The following ANGPTL2 variants were observed in gnomAD, a reference collection of about 807,000 sequenced individuals.
ANGPTL2 encodes angiopoietin like 2.
ANGPTL2 carries 25 observed loss-of-function variants against 52.8 expected under a neutral mutation model. The ratio of observed to expected loss-of-function variants is 0.47; its 90% confidence interval spans 0.35 to 0.66. The LOEUF (loss-of-function observed/expected upper bound fraction) is 0.66. Among genes scored for constraint, ANGPTL2 ranks in the 30% least tolerant of loss-of-function variants. The probability of loss-of-function intolerance (pLI) is 0.01; values close to 1 mark genes in which losing one functional copy is unlikely to be tolerated. For missense variants in ANGPTL2, 546 were observed against 656.9 expected (o/e 0.83, Z 1.84); for synonymous variants, 276 against 277.4 (o/e 1.00, Z 0.05).
intron 1 of ANGPTL2, among the ~76,000 whole-genome samples, chr9:127,113,270 A>C (rs886263343): frequency 1.3e-5 from 2 of 152,162 alleles, no homozygotes; most frequent in Non-Finnish European, 2.9e-5. Context: ...GCCAAAGGTG[A>C]CTGAGCCTAG....
rs115795011 is a variant in ANGPTL2, at chr9:127,119,532, C to T, written c.-50+2783G>A. 2.6e-3 allele frequency among the ~76,000 whole-genome samples: 391 copies of T among 152,328 alleles called. 2 individuals are homozygous for T. The highest frequency in any genetic ancestry group is 8.7e-3 in the African/African-American group (362 of 41,588). On this transcript the variant is annotated intron_variant, in intron 1 of 4. Transcript: ENST00000373425. ...ACTGTGTGACTTTGGGCAAGTTAAC[C>T]TCTCGAGACTTAGTTTTCCCATCTG...
At chr9:127,115,297 C>T (rs2055284872) in intron 1 of ANGPTL2, among the ~76,000 whole-genome samples, 1 of 152,184 alleles carries the variant, frequency 6.6e-6, no homozygotes. Flanking sequence ...TCAAGCAGTT[C>T]TCCTGCCTCA....
chr9:127,110,162 G>C (rs544441424), intron 1 of ANGPTL2, among the ~76,000 whole-genome samples: 1 of 152,210 alleles, frequency 6.6e-6, no homozygotes, highest in Admixed American at 6.5e-5. Flanking sequence ...TCTCTTCCTG[G>C]TCTCTCTTGA....
In ANGPTL2 at chr9:127,093,861, T is replaced by C. The variant is rs746328166; in HGVS notation, c.883A>G (p.Lys295Glu). 3.1e-6 allele frequency: 5 copies of C among 1,614,076 alleles called. No individual in the cohort carries two copies. The South Asian group carries it at 5.5e-5, about 18-fold the overall frequency. Residue 295 changes from lysine to glutamate, a missense_variant, in exon 3 of 5, where the codon AAG becomes GAG. By Grantham distance (56) the Lys-to-Glu change is moderately conservative. Around this residue, in one of 2 missense-constraint regions of ANGPTL2, gnomAD observed 261 missense variants for 361.0 expected, o/e 0.72. Transcript: ENST00000373425. ...ATGAGGCGGTTGGTGTTCTCCGGCTTCACCAGGTAGATGGAGCTGGTGTCG... is the reference window on the plus strand; with the variant it reads ...ATGAGGCGGTTGGTGTTCTCCGGCTCCACCAGGTAGATGGAGCTGGTGTCG... Reference protein sequence around the residue: ...GHDTSSIYLVKPENTNRLMQV... With the variant: ...GHDTSSIYLVEPENTNRLMQV...
chr9:127,114,699 C>T (rs946431), intron 1 of ANGPTL2, among the ~76,000 whole-genome samples: 3,760 of 152,330 alleles, frequency 0.025, 56 homozygotes, highest in Middle Eastern at 0.048. Context: ...AATGGGTCCA[C>T]GCCATAAGAG....
At chr9:127,115,839 C>T (rs548094733) in intron 1 of ANGPTL2, among the ~76,000 whole-genome samples, 1 of 152,356 alleles carries the variant, frequency 6.6e-6, no homozygotes, top group East Asian at 1.9e-4. Context: ...GTGACACCCT[C>T]ACCTTGGAGA....
chr9:127,089,427 G>A (rs1297116041), intron 4 of ANGPTL2, among the ~76,000 whole-genome samples: 2 of 152,178 alleles, frequency 1.3e-5, no homozygotes, highest in South Asian at 2.1e-4. Flanking sequence ...CGCACAGGGC[G>A]GCTCTGAGGA....
chr9:127,110,683 G>A (rs1260240879), intron 1 of ANGPTL2, among the ~76,000 whole-genome samples: 1 of 152,104 alleles, frequency 6.6e-6, no homozygotes, highest in Non-Finnish European at 1.5e-5. Flanking sequence ...TTTTTCCTGT[G>A]TTCATAAATG....
intron 4 of ANGPTL2, among the ~76,000 whole-genome samples, chr9:127,090,855 G>A (rs1779717778): frequency 1.3e-5 from 2 of 152,224 alleles, no homozygotes; most frequent in African/African-American, 2.4e-5. Context: ...GCCCTGGGGA[G>A]GCATTAACTG....
intron 1 of ANGPTL2, among the ~76,000 whole-genome samples, chr9:127,116,317 G>A (rs2055414579): frequency 2.0e-5 from 3 of 152,024 alleles, no homozygotes; most frequent in African/African-American, 7.2e-5. Flanking sequence ...GAGATCATAG[G>A]GTAGAGGGGG....
intron 1 of ANGPTL2, among the ~76,000 whole-genome samples, chr9:127,119,085 G>T (rs1483230319): frequency 1.3e-5 from 2 of 152,138 alleles, no homozygotes; most frequent in Non-Finnish European, 2.9e-5. Context: ...AGAGTTTCCT[G>T]GTGCTGATGT....
chr9:127,107,799 AT>A, intron 2 of ANGPTL2, 115 bp downstream of exon 2: 1 of 1,078,924 alleles, frequency 9.3e-7, no homozygotes, highest in African/African-American at 1.6e-5. Context: ...GGGATTGTGC[AT>A]GTCTTTGGCC....
At chr9:127,100,457 C>T (rs982361169) in intron 2 of ANGPTL2, among the ~76,000 whole-genome samples, 16 of 152,184 alleles carry the variant, frequency 1.1e-4, no homozygotes, top group African/African-American at 2.4e-4. Context: ...TTTCCACCAG[C>T]GCTGTTGGGC....
intron 2 of ANGPTL2, among the ~76,000 whole-genome samples, chr9:127,100,798 C>G (rs1166119593): frequency 6.6e-6 from 1 of 152,232 alleles, no homozygotes; most frequent in African/African-American, 2.4e-5. Context: ...TGTATTAACC[C>G]TTTCCAAGGA....
At chr9:127,096,256 A>G (rs747303310) in intron 2 of ANGPTL2, among the ~76,000 whole-genome samples, 1 of 152,216 alleles carries the variant, frequency 6.6e-6, no homozygotes, top group African/African-American at 2.4e-5. Flanking sequence ...AGCCCCAGGG[A>G]TGGAGGCAGA....
rs137974897 is a variant in ANGPTL2, at chr9:127,115,112, C to T, written c.-49-6332G>A. ...CCAGCTGTACTCTATCTCATTGGCT[C>T]TTAATAGCTCTATGAGTAGGGGACC... On this transcript the variant is annotated intron_variant, in intron 1 of 4. Coordinates refer to ENST00000373425, the MANE Select transcript of ANGPTL2 (RefSeq NM_012098.3). Among the ~76,000 whole-genome samples, 43 of 152,284 alleles carry T rather than the reference C, an allele frequency of 2.8e-4. 2 individuals are homozygous for T. In the East Asian group the frequency reaches 8.3e-3, roughly 29 times the overall value.
chr9:127,117,865 C>T (rs1459977145), intron 1 of ANGPTL2, among the ~76,000 whole-genome samples: 1 of 152,220 alleles, frequency 6.6e-6, no homozygotes, highest in African/African-American at 2.4e-5. Flanking sequence ...GGTCCTCAGG[C>T]ATCTCTTGAA....
intron 2 of ANGPTL2, among the ~76,000 whole-genome samples, chr9:127,105,623 A>G (rs966198612): frequency 3.3e-5 from 5 of 152,212 alleles, no homozygotes; most frequent in African/African-American, 1.2e-4. Context: ...ACACCAGGGT[A>G]TCACCACAGT....
rs746489422 is a variant in ANGPTL2, at chr9:127,107,985, C to T, written c.747G>A (p.Lys249=). 1.1e-5 allele frequency: 18 copies of T among 1,583,070 alleles called. No homozygotes were observed. Among genetic ancestry groups the T allele is most frequent in the Non-Finnish European group, 1.6e-5 (18 of 1,160,214 alleles). The change falls in exon 2 of 5, where the codon AAG becomes AAA. Residue 249 remains lysine, a synonymous_variant. Coordinates refer to ENST00000373425, the MANE Select transcript of ANGPTL2 (RefSeq NM_012098.3). The part of the protein sequence containing the change: ...TNEIQSDQNL[K]VLPPPLPTMP... ...TAGTGGGCAGAGGGGGTGGCAGCAC[C>T]TTCAGGTTCTGGTCACTCTGGATCT...
Sources: gnomAD v4.1 joint callset for allele counts (sites outside exome capture counted in the v4.1 genomes callset) on GRCh38, gnomAD v4.1.1 for gene constraint, gnomAD v4.1.1 regional missense constraint, MANE v1.5 for transcripts, NCBI Gene and HGNC (gene_info 2026-07-23, HGNC 2026-07-21) for gene names.